Variants in KCNIP4 observed in about 807,000 individuals in gnomAD.
KCNIP4 encodes Kv channel-interacting protein 4.
A neutral mutation model predicts 34.0 loss-of-function variants in KCNIP4; 12 were observed. The ratio of observed to expected loss-of-function variants is 0.35; its 90% CI spans 0.23 to 0.57. The LOEUF (loss-of-function observed/expected upper bound fraction) is 0.57. Among genes scored for constraint, KCNIP4 ranks in the 20% least tolerant of loss-of-function variants. The probability of loss-of-function intolerance (pLI) is 0.83; values close to 1 mark genes in which losing one functional copy is unlikely to be tolerated. For synonymous variants in KCNIP4, 124 were observed against 102.2 expected (o/e 1.21, Z -1.29); for missense variants, 238 against 311.7 (o/e 0.76, Z 1.78).
intron 1 of KCNIP4, among the ~76,000 whole-genome samples, chr4:20,957,989 G>A (rs892268653): frequency 1.3e-5 from 2 of 152,218 alleles, no homozygotes; most frequent in African/African-American, 4.8e-5. Flanking sequence ...AGATACTTGT[G>A]AAATGAGTCT....
At chr4:21,189,963 A>G (rs912674527) in intron 1 of KCNIP4, among the ~76,000 whole-genome samples, 2 of 152,354 alleles carry the variant, frequency 1.3e-5, no homozygotes, top group East Asian at 3.9e-4. Flanking sequence ...TCCATCCCTT[A>G]TACAGTAGAT....
rs1763340774 is a variant in KCNIP4, at chr4:21,290,000, C to A, written c.62-407291G>T. Among the ~76,000 whole-genome samples the A allele has an allele frequency of 2.0e-5, 3 of 152,056 alleles. No individual in the cohort carries two copies. In the South Asian group the frequency reaches 6.2e-4, roughly 32 times the overall value. ...TAAGAATCAGAAAACTAAAGCTTCTCTTAGCAGGTACAAAAAAAAATAGCT... is the reference window on the plus strand; with the variant it reads ...TAAGAATCAGAAAACTAAAGCTTCTATTAGCAGGTACAAAAAAAAATAGCT... On this transcript the variant is annotated intron_variant, in intron 1 of 8. Transcript: ENST00000382152.
At chr4:21,800,899 T>C (rs1452168445) in intron 1 of KCNIP4, among the ~76,000 whole-genome samples, 1 of 152,146 alleles carries the variant, frequency 6.6e-6, no homozygotes, top group Non-Finnish European at 1.5e-5. Context: ...CGAAAAAAGA[T>C]TATGGTCATA....
intron 3 of KCNIP4, among the ~76,000 whole-genome samples, chr4:20,826,158 T>C (rs1717732667): frequency 1.3e-5 from 2 of 152,116 alleles, no homozygotes; most frequent in South Asian, 4.1e-4. Flanking sequence ...AGAATGGCAA[T>C]ACTACTGTAG....
At chr4:21,810,236 T>A (rs1460608843) in intron 1 of KCNIP4, among the ~76,000 whole-genome samples, 1 of 152,146 alleles carries the variant, frequency 6.6e-6, no homozygotes, top group African/African-American at 2.4e-5. Flanking sequence ...TCCTATCAAG[T>A]ACATAAAACA....
Position 21,878,812 on chromosome 4 carries a change from C to T in KCNIP4, c.61+69759G>A, listed in dbSNP as rs78199838. Among the ~76,000 whole-genome samples, 1,325 of 152,230 alleles carry T rather than the reference C, an allele frequency of 8.7e-3. 15 individuals are homozygous for T. Among genetic ancestry groups the T allele is most frequent in the South Asian group, 0.034 (163 of 4,824 alleles). On this transcript the variant is annotated intron_variant, in intron 1 of 8. Coordinates refer to ENST00000382152, the MANE Select transcript of KCNIP4 (RefSeq NM_025221.6). ...CACACCTTGTGGGCCTCAGTACTCT[C>T]GTTTTTACAAAAAGGACAGTGGATG...
At chr4:21,723,003 A>G (rs553324012) in intron 1 of KCNIP4, among the ~76,000 whole-genome samples, 2 of 152,280 alleles carry the variant, frequency 1.3e-5, no homozygotes, top group East Asian at 3.9e-4. Flanking sequence ...CAGAAGTTCC[A>G]TAAGGATTCT....
intron 1 of KCNIP4, among the ~76,000 whole-genome samples, chr4:21,549,764 G>A (rs1738419839): frequency 6.6e-6 from 1 of 151,972 alleles, no homozygotes; most frequent in South Asian, 2.1e-4. Context: ...TTTGAAAAAG[G>A]GCAGTGGGGC....
intron 1 of KCNIP4, chr4:20,983,811 T>C (rs1736325685): frequency 6.5e-7 from 1 of 1,536,232 alleles, no homozygotes; most frequent in East Asian, 2.4e-5. Flanking sequence ...GCGACCACTT[T>C]ACCTTCCGAA....
At position 21,739,267 on chromosome 4, in the gene KCNIP4, A is replaced by T. The variant is rs145966993; in HGVS notation, c.61+209304T>A. Among the ~76,000 whole-genome samples the T allele has an allele frequency of 8.7e-3, 1,325 of 152,174 alleles. 19 individuals carry two copies. The highest frequency in any genetic ancestry group is 0.038 in the South Asian group (185 of 4,814). On this transcript the variant is annotated intron_variant, in intron 1 of 8. Coordinates refer to ENST00000382152, the MANE Select transcript of KCNIP4 (RefSeq NM_025221.6). The stretch of plus-strand genomic sequence containing the variant: ...TGATGTATTACCCTAAGACCATACA[A>T]CTGTGTTATAGGAATATGCACTAAC...
intron 1 of KCNIP4, among the ~76,000 whole-genome samples, chr4:21,916,202 T>A (rs989642030): frequency 3.3e-5 from 5 of 152,244 alleles, no homozygotes; most frequent in Non-Finnish European, 7.3e-5. Context: ...TGGAGTACAA[T>A]TTTTAAAATA....
chr4:21,395,133 T>C (rs926937728), intron 1 of KCNIP4, among the ~76,000 whole-genome samples: 3 of 152,280 alleles, frequency 2.0e-5, no homozygotes, highest in South Asian at 2.1e-4. Flanking sequence ...ATTCGACAAA[T>C]GCAGAAAGAA....
intron 3 of KCNIP4, among the ~76,000 whole-genome samples, chr4:20,792,536 A>G (rs1712904740): frequency 6.6e-6 from 1 of 152,204 alleles, no homozygotes; most frequent in Non-Finnish European, 1.5e-5. Context: ...AGCTAATTAT[A>G]TGCTACCAAC....
intron 3 of KCNIP4, among the ~76,000 whole-genome samples, chr4:20,819,400 A>G (rs930002752): frequency 1.3e-5 from 2 of 152,142 alleles, no homozygotes; most frequent in Admixed American, 6.6e-5. Flanking sequence ...AAACAAACCA[A>G]TTGTTCAATG....
chr4:21,079,049 T>C (rs1221876375), intron 1 of KCNIP4, among the ~76,000 whole-genome samples: 1 of 152,088 alleles, frequency 6.6e-6, no homozygotes, highest in African/African-American at 2.4e-5. Context: ...GCCACTGCAC[T>C]TACCCTTGTT....
chr4:21,168,488 T>C (rs570181768), intron 1 of KCNIP4, among the ~76,000 whole-genome samples: 1 of 152,282 alleles, frequency 6.6e-6, no homozygotes, highest in Non-Finnish European at 1.5e-5. Context: ...TCTTTAACCA[T>C]AGGCTAGATA....
At chr4:21,513,615 C>A (rs1734516147) in intron 1 of KCNIP4, among the ~76,000 whole-genome samples, 2 of 152,110 alleles carry the variant, frequency 1.3e-5, no homozygotes, top group Admixed American at 1.3e-4. Flanking sequence ...AGTATTTTCC[C>A]CAGTGGTTTG....
intron 1 of KCNIP4, among the ~76,000 whole-genome samples, chr4:21,127,824 TAATC>T (rs1750741676): frequency 1.3e-5 from 2 of 152,348 alleles, no homozygotes; most frequent in Admixed American, 1.3e-4. Flanking sequence ...AATCAATCCT[TAATC>T]AATCACTTTT....
intron 1 of KCNIP4, among the ~76,000 whole-genome samples, chr4:21,350,772 T>C (rs1717932508): frequency 6.6e-6 from 1 of 152,168 alleles, no homozygotes; most frequent in Admixed American, 6.5e-5. Flanking sequence ...GTGTGTAACA[T>C]GGGCGAAGTG....
Sources: gnomAD v4.1 joint callset for allele counts (sites outside exome capture counted in the v4.1 genomes callset) on GRCh38, gnomAD v4.1.1 for gene constraint, MANE v1.5 for transcripts, NCBI Gene and HGNC (gene_info 2026-07-23, HGNC 2026-07-21) for gene names.